The following ASIC2 variants were observed in gnomAD, a reference collection of about 807,000 sequenced individuals.
The protein encoded by ASIC2 is acid-sensing ion channel 2.
A neutral mutation model predicts 57.3 loss-of-function variants in ASIC2; 25 were observed. The observed-to-expected ratio is 0.44, with a 90% CI of 0.32 to 0.61. The LOEUF is 0.61. ASIC2 is among the 20% of genes least tolerant of loss of function. ASIC2 has a pLI of 0.06. For synonymous variants in ASIC2, 319 were observed against 307.5 expected, an observed-to-expected ratio of 1.04 and a Z score of -0.39; for missense variants, 641 against 738.1, an observed-to-expected ratio of 0.87 and a Z score of 1.52.
intron 1 of ASIC2, among the ~76,000 whole-genome samples, chr17:33,981,492 G>T (rs929888505): frequency 1.3e-5 from 2 of 152,232 alleles, no homozygotes; most frequent in African/African-American, 2.4e-5. Context: ...GAGGCTTGAA[G>T]TTCAATGGCT....
chr17:33,494,638 T>A (rs570743427), intron 1 of ASIC2, among the ~76,000 whole-genome samples: 7 of 152,032 alleles, frequency 4.6e-5, no homozygotes, highest in Admixed American at 3.9e-4. Context: ...CATTGTGGGG[T>A]CACACTGAGG....
At chr17:33,198,655 T>C (rs1906735274) in intron 1 of ASIC2, among the ~76,000 whole-genome samples, 1 of 152,188 alleles carries the variant, frequency 6.6e-6, no homozygotes, top group African/African-American at 2.4e-5. Context: ...CCAGCCTCTG[T>C]TCTCTGCTGG....
intron 1 of ASIC2, among the ~76,000 whole-genome samples, chr17:33,502,392 T>C (rs1422254171): frequency 6.6e-6 from 1 of 152,044 alleles, no homozygotes; most frequent in Admixed American, 6.5e-5. Context: ...TGTGGAGCAA[T>C]TGGATGCTCA....
At chr17:34,062,329 C>A (rs1254124992) in intron 1 of ASIC2, among the ~76,000 whole-genome samples, 2 of 152,012 alleles carry the variant, frequency 1.3e-5, no homozygotes, top group Non-Finnish European at 2.9e-5. Flanking sequence ...AACTGAATGA[C>A]AATAAATGAC....
At chr17:33,434,681 G>A (rs1216845302) in intron 1 of ASIC2, among the ~76,000 whole-genome samples, 3 of 152,222 alleles carry the variant, frequency 2.0e-5, no homozygotes, top group Non-Finnish European at 4.4e-5. Context: ...CACTTCTTGA[G>A]GGATTTACTA....
intron 1 of ASIC2, among the ~76,000 whole-genome samples, chr17:33,377,252 T>A (rs1054478049): frequency 1.3e-5 from 2 of 152,184 alleles, no homozygotes; most frequent in African/African-American, 4.8e-5. Flanking sequence ...GGTTTCACCA[T>A]GTTTGCCAGA....
intron 1 of ASIC2, among the ~76,000 whole-genome samples, chr17:33,874,420 T>C (rs1914501679): frequency 6.6e-6 from 1 of 152,268 alleles, no homozygotes; most frequent in Non-Finnish European, 1.5e-5. Context: ...AACAATTATT[T>C]GTTATTTATC....
At chr17:33,346,676 G>T (rs554032387) in intron 1 of ASIC2, among the ~76,000 whole-genome samples, 4 of 152,286 alleles carry the variant, frequency 2.6e-5, no homozygotes, top group Non-Finnish European at 5.9e-5. Flanking sequence ...CTTGAGCTCA[G>T]ATAAGAGATT....
At chr17:33,255,028 CTTTTTTTTTTTT>C (rs1173076413) in intron 1 of ASIC2, among the ~76,000 whole-genome samples, 7 of 73,996 alleles carry the variant, frequency 9.5e-5, no homozygotes, top group African/African-American at 3.5e-4. Context: ...AGAAAGAAAT[CTTTTTTTTTTTT>C]TTTTTTTTTT....
intron 1 of ASIC2, among the ~76,000 whole-genome samples, chr17:33,445,373 G>T (rs949219971): frequency 2.4e-4 from 37 of 152,224 alleles, no homozygotes; most frequent in Admixed American, 1.3e-4. Context: ...AGATGTTGCA[G>T]TGAGCTGAGA....
chr17:33,579,056 CG>C (rs1555545054), intron 1 of ASIC2, among the ~76,000 whole-genome samples: 1 of 151,974 alleles, frequency 6.6e-6, no homozygotes, highest in Non-Finnish European at 1.5e-5. Context: ...GAGGTCGAAG[CG>C]GGTGGATCAC....
chr17:33,942,768 T>C (rs1264872552), intron 1 of ASIC2, among the ~76,000 whole-genome samples: 1 of 152,178 alleles, frequency 6.6e-6, no homozygotes, highest in South Asian at 2.1e-4. Context: ...GCAAGGGCTG[T>C]ACTTAGCTTC....
intron 1 of ASIC2, among the ~76,000 whole-genome samples, chr17:33,744,593 T>C (rs1185378493): frequency 6.6e-6 from 1 of 152,194 alleles, no homozygotes; most frequent in Admixed American, 6.5e-5. Flanking sequence ...GGGAAATCAG[T>C]ATCCAGAATT....
At chr17:33,798,530 G>T (rs923658358) in intron 1 of ASIC2, among the ~76,000 whole-genome samples, 10 of 152,312 alleles carry the variant, frequency 6.6e-5, no homozygotes, top group Non-Finnish European at 1.3e-4. Context: ...CACAAATCCA[G>T]CACCTGGCTC....
intron 1 of ASIC2, among the ~76,000 whole-genome samples, chr17:34,030,439 G>C (rs1387180977): frequency 6.6e-6 from 1 of 152,258 alleles, no homozygotes; most frequent in African/African-American, 2.4e-5. Flanking sequence ...CAACGCAGAA[G>C]ATGGGTGATT....
chr17:33,135,569 G>T (rs112321453), intron 1 of ASIC2, among the ~76,000 whole-genome samples: 71 of 152,360 alleles, frequency 4.7e-4, no homozygotes, highest in Non-Finnish European at 7.5e-4. Context: ...TGTATTGAAT[G>T]GAATGAGAGG....
intron 1 of ASIC2, among the ~76,000 whole-genome samples, chr17:33,645,359 A>G (rs1906707736): frequency 6.6e-6 from 1 of 152,184 alleles, no homozygotes; most frequent in Admixed American, 6.5e-5. Flanking sequence ...CTTTGGTTTC[A>G]TTTAAAAAGT....
chr17:34,085,542 G>A (rs1220526560), intron 1 of ASIC2, among the ~76,000 whole-genome samples: 1 of 152,194 alleles, frequency 6.6e-6, no homozygotes, highest in African/African-American at 2.4e-5. Context: ...TCAGGATGAT[G>A]CTGGCCTCAT....
chr17:33,112,217 C>T (rs1022531793), intron 1 of ASIC2, 150 bp from the exon 2 acceptor site: 3 of 1,071,816 alleles, frequency 2.8e-6, no homozygotes, highest in Non-Finnish European at 3.9e-6. Context: ...GGTTTTTCAT[C>T]CTGGCTGTGG....
Sources: allele counts gnomAD v4.1 joint callset (sites outside exome capture counted in the v4.1 genomes callset), GRCh38; gene constraint gnomAD v4.1.1; transcripts MANE v1.5; gene names NCBI Gene and HGNC (gene_info 2026-07-23, HGNC 2026-07-21).